The following EML6 variants were observed in gnomAD, a reference collection of about 807,000 sequenced individuals.
EML6 encodes the protein EMAP like 6.
A neutral mutation model predicts 240.1 loss-of-function variants in EML6; 154 were observed. The ratio of observed to expected loss-of-function variants is 0.64; its 90% confidence interval spans 0.56 to 0.73. EML6 has a LOEUF of 0.73. EML6 is among the 30% of genes least tolerant of loss of function. EML6 has a pLI of 0.00. For missense variants in EML6, 2,964 were observed against 2,474.6 expected (o/e 1.20, Z -4.20); for synonymous variants, 1,148 against 899.0 (o/e 1.28, Z -4.95).
intron 29 of EML6, 104 bp from the exon 30 acceptor site, chr2:54,950,546 T>C (rs1194551245): frequency 1.1e-5 from 14 of 1,324,866 alleles, no homozygotes; most frequent in Non-Finnish European, 1.4e-5. Context: ...TCACCAGCCA[T>C]ACCGTTCCTG....
chr2:54,836,571 C>G (rs1383473290), intron 7 of EML6, among the ~76,000 whole-genome samples: 1 of 152,136 alleles, frequency 6.6e-6, no homozygotes, highest in African/African-American at 2.4e-5. Context: ...AGGGTCAGTG[C>G]TGAATGCCCA....
intron 2 of EML6, among the ~76,000 whole-genome samples, chr2:54,745,540 G>C (rs534676254): frequency 6.6e-6 from 1 of 152,306 alleles, no homozygotes; most frequent in African/African-American, 2.4e-5. Context: ...ACTTTGGAAG[G>C]CTGAGAGGGT....
At position 54,962,540 on chromosome 2, in the gene EML6, A is replaced by G; in HGVS notation, c.4986A>G (p.Gly1662=). 1.3e-6 allele frequency: 2 copies of G among 1,546,090 alleles called. No individual in the cohort carries two copies. The highest frequency in any genetic ancestry group is 2.4e-5 in the South Asian group (2 of 82,402). ...VCRGKGKILV[G]TKDGEIIEVG... ...TACAACAGGGAAAAATCTTAGTGGG[A>G]ACCAAAGACGGAGAAATAATTGAAG... Residue 1662 remains glycine (G), a synonymous_variant, in exon 36 of 42, where the codon GGA becomes GGG. Transcript: ENST00000356458.
chr2:54,968,386 G>A, intron 40 of EML6, 105 bp downstream of exon 40: 1 of 1,097,934 alleles, frequency 9.1e-7, no homozygotes, highest in South Asian at 1.4e-5. Flanking sequence ...GAGAAACCCT[G>A]TCCCGGTACA....
intron 2 of EML6, among the ~76,000 whole-genome samples, chr2:54,794,770 C>T (rs555562495): frequency 5.3e-5 from 8 of 152,254 alleles, no homozygotes; most frequent in South Asian, 4.1e-4. Context: ...AAAAATTGTA[C>T]GACATTACGC....
At chr2:54,747,729 T>C (rs1683978522) in intron 2 of EML6, among the ~76,000 whole-genome samples, 1 of 152,208 alleles carries the variant, frequency 6.6e-6, no homozygotes, top group African/African-American at 2.4e-5. Context: ...CAAAAATTAC[T>C]GTACTAATTA....
rs1676432357 is a variant in EML6 at position 54,960,214 on chromosome 2, T to C, written c.4854-6T>C. ...AACAGCCTGAGTCCCTTTCAATCTT[T>C]TTTAGGACCAAAGAAGGAGGTGCTG... On this transcript the variant is annotated splice_region_variant and splice_polypyrimidine_tract_variant and intron_variant, in intron 34 of 41. Coordinates refer to ENST00000356458, the MANE Select transcript of EML6 (RefSeq NM_001039753.4). The C allele has an allele frequency of 1.3e-6, 2 of 1,548,366 alleles. No homozygotes were observed. The highest frequency in any genetic ancestry group is 2.0e-5 in the Admixed American group (1 of 50,978).
intron 2 of EML6, among the ~76,000 whole-genome samples, chr2:54,806,644 A>G (rs1558565676): frequency 8.2e-6 from 1 of 121,684 alleles, no homozygotes; most frequent in Admixed American, 8.8e-5. Flanking sequence ...AAAAAAAAAA[A>G]GAATGTCCGT....
rs756295373 is a variant in EML6, at chr2:54,928,412, G to A, written c.3775G>A (p.Ala1259Thr). The change falls in exon 27 of 42, where the codon GCC becomes ACC. Residue 1259 changes from alanine (A) to threonine (T), a missense_variant. Transcript: ENST00000356458. ...CTCTGTGCTGCTCACGGTGGGCGGC[G>A]CCGACACAGCCCTGATGATCTGGAC... is the stretch of plus-strand genomic sequence containing the variant. ...NDSVLLTVGG[A>T]DTALMIWTRE... 25 of 1,551,230 alleles carry A rather than the reference G, an allele frequency of 1.6e-5. No individual in the cohort carries two copies. Among genetic ancestry groups the A allele is most frequent in the South Asian group, 1.5e-4 (13 of 84,016 alleles).
chr2:54,813,161 C>A, intron 2 of EML6, 71 bp from the exon 3 acceptor site: 1 of 1,107,064 alleles, frequency 9.0e-7, no homozygotes, highest in Non-Finnish European at 1.3e-6. Flanking sequence ...AAATGAGAAA[C>A]AGATTTGGAT....
Position 54,827,571 on chromosome 2 carries a change from G to C in EML6, c.531G>C (p.Trp177Cys), listed in dbSNP as rs1202997750. ...VSCGVKHIKF[W>C]TLCGNALTAK... Reference sequence around the variant, plus strand: ...TTTTATCACTTACATTGTAGTTTTGGACACTGTGTGGAAATGCCCTGACTG... The same window carrying C: ...TTTTATCACTTACATTGTAGTTTTGCACACTGTGTGGAAATGCCCTGACTG... Residue 177 changes from tryptophan to cysteine, a missense_variant, in exon 6 of 42, where the codon TGG becomes TGC. Trp to Cys is a radical substitution (Grantham distance 215). Coordinates refer to ENST00000356458, the MANE Select transcript of EML6 (RefSeq NM_001039753.4). The C allele has an allele frequency of 6.4e-7, 1 of 1,551,238 alleles. No homozygotes were observed.
At chr2:54,937,238 A>G (rs1335544423) in intron 28 of EML6, among the ~76,000 whole-genome samples, 4 of 151,112 alleles carry the variant, frequency 2.6e-5, no homozygotes, top group East Asian at 1.9e-4. Flanking sequence ...AGATCAAGCC[A>G]TTGCACTCCA....
At chr2:54,894,429 A>G (rs1672650565) in intron 19 of EML6, among the ~76,000 whole-genome samples, 1 of 152,224 alleles carries the variant, frequency 6.6e-6, no homozygotes, top group African/African-American at 2.4e-5. Context: ...GTTTCATTAT[A>G]TAAAGTACCT....
At chr2:54,953,801 C>T (rs912128956) in intron 31 of EML6, among the ~76,000 whole-genome samples, 182 bp from the exon 32 acceptor site, 3 of 150,270 alleles carry the variant, frequency 2.0e-5, no homozygotes, top group Non-Finnish European at 2.9e-5. Flanking sequence ...GCACGAGGAT[C>T]GTGTGAACCC....
chr2:54,738,709 G>A (rs1170736492), intron 2 of EML6, among the ~76,000 whole-genome samples: 2 of 152,186 alleles, frequency 1.3e-5, no homozygotes, highest in African/African-American at 4.8e-5. Context: ...CTATGTTGAT[G>A]AGATTCATTT....
intron 28 of EML6, among the ~76,000 whole-genome samples, chr2:54,931,350 TG>T (rs1347083740): frequency 6.6e-6 from 1 of 152,048 alleles, no homozygotes; most frequent in Non-Finnish European, 1.5e-5. Flanking sequence ...GTGATGGAAT[TG>T]GGAGGGTGGC....
At chr2:54,948,140 C>T (rs1315828458) in intron 28 of EML6, among the ~76,000 whole-genome samples, 2 of 152,198 alleles carry the variant, frequency 1.3e-5, no homozygotes, top group Non-Finnish European at 2.9e-5. Context: ...CCCACGTCAC[C>T]AAGAACTGGC....
At chr2:54,899,392 A>G (rs1442446312) in intron 21 of EML6, among the ~76,000 whole-genome samples, 2 of 152,246 alleles carry the variant, frequency 1.3e-5, no homozygotes, top group Non-Finnish European at 1.5e-5. Context: ...AACAAAACCA[A>G]TAAGCAATGA....
chr2:54,833,214 T>C (rs533585732), intron 7 of EML6, among the ~76,000 whole-genome samples: 1 of 152,346 alleles, frequency 6.6e-6, no homozygotes, highest in African/African-American at 2.4e-5. Context: ...TTTATAAAGA[T>C]CACACTTAGT....
Sources: allele counts gnomAD v4.1 joint callset (sites outside exome capture counted in the v4.1 genomes callset), GRCh38; gene constraint gnomAD v4.1.1; transcripts MANE v1.5; gene names NCBI Gene and HGNC (gene_info 2026-07-23, HGNC 2026-07-21).